The following RELB variants were observed in gnomAD, a reference collection of about 807,000 sequenced individuals.
RELB encodes the protein RELB proto-oncogene, NF-kB subunit, also known as transcription factor RelB.
In RELB, 14 loss-of-function variants were observed where a neutral mutation model predicts 55.4. The observed-to-expected ratio is 0.25, with a 90% CI of 0.17 to 0.40. The LOEUF (loss-of-function observed/expected upper bound fraction) is 0.40, where lower values mean the gene tolerates loss of function less well. Ranked by LOEUF, RELB falls within the 10% of genes least tolerant of loss-of-function variation. The pLI is 1.00. For synonymous variants in RELB, 409 were observed against 371.3 expected (o/e 1.10, Z -1.17); for missense variants, 669 against 830.7 (o/e 0.81, Z 2.39).
intron 2 of RELB, among the ~76,000 whole-genome samples, chr19:45,003,901 T>G (rs1336174076): frequency 1.9e-4 from 28 of 145,634 alleles, no homozygotes; most frequent in East Asian, 4.0e-4. Context: ...GGGTTTTTTT[T>G]GTCTGTTTTT....
At chr19:45,011,758 G>C (rs1033017806) in intron 3 of RELB, among the ~76,000 whole-genome samples, 178 bp from the exon 4 acceptor site, 382 of 24,868 alleles carry the variant, frequency 0.015, 4 homozygotes, top group Middle Eastern at 0.04. Flanking sequence ...CCCTGACTCT[G>C]TGTGTGTGTG....
intron 1 of RELB, among the ~76,000 whole-genome samples, chr19:45,002,516 C>T (rs1971226348): frequency 6.6e-6 from 1 of 152,128 alleles, no homozygotes; most frequent in South Asian, 2.1e-4. Flanking sequence ...CCACACCCGG[C>T]TAATTTTTGT....
chr19:45,005,036 T>G (rs1190811779), intron 2 of RELB, among the ~76,000 whole-genome samples: 1 of 151,940 alleles, frequency 6.6e-6, no homozygotes, highest in Non-Finnish European at 1.5e-5. Flanking sequence ...CCAGGCGTGG[T>G]GGCAGGCACC....
chr19:45,021,043 T>A (rs1205919804), intron 4 of RELB, among the ~76,000 whole-genome samples: 1 of 152,064 alleles, frequency 6.6e-6, no homozygotes, highest in Non-Finnish European at 1.5e-5. Flanking sequence ...GGCATGGTAG[T>A]GTGCGCCTGT....
intron 11 of RELB, among the ~76,000 whole-genome samples, chr19:45,036,992 C>G (rs1971693487): frequency 6.6e-6 from 1 of 151,986 alleles, no homozygotes; most frequent in African/African-American, 2.4e-5. Flanking sequence ...TAAGAGGGCA[C>G]CTAAGGCCAG....
At chr19:45,031,676 C>A (rs1971623180) in intron 8 of RELB, among the ~76,000 whole-genome samples, 1 of 151,748 alleles carries the variant, frequency 6.6e-6, no homozygotes, top group South Asian at 2.1e-4. Flanking sequence ...CCCGGGTTCA[C>A]GCCATTCTCC....
At position 45,012,175 on chromosome 19, in the gene RELB, C is replaced by T; in HGVS notation, c.403C>T (p.Gln135Ter). Residue 135 changes from glutamine (Q) to a stop codon, truncating the protein, a stop_gained, in exon 4 of 12, where the codon CAG (glutamine) becomes TAG (stop). Coordinates refer to ENST00000221452, the MANE Select transcript of RELB (RefSeq NM_006509.4). LOFTEE classifies it high-confidence loss of function. ...PHLVITEQPK[Q>*]RGMRFRYECE... Reference sequence around the variant, plus strand: ...CCTGGTCATCACGGAGCAGCCCAAGCAGCGCGGCATGCGCTTCCGCTACGA... The same window carrying T: ...CCTGGTCATCACGGAGCAGCCCAAGTAGCGCGGCATGCGCTTCCGCTACGA... 1.3e-6 allele frequency: 2 copies of T among 1,555,190 alleles called. No homozygotes were observed. The highest frequency in any genetic ancestry group is 4.0e-5 in the Admixed American group (2 of 49,424).
intron 2 of RELB, among the ~76,000 whole-genome samples, chr19:45,009,278 G>C (rs554404117): frequency 4.9e-4 from 74 of 151,984 alleles, no homozygotes; most frequent in African/African-American, 1.7e-3. Flanking sequence ...ACGGGGTTTC[G>C]CCATGTTGGC....
intron 4 of RELB, 118 bp from the exon 5 acceptor site, chr19:45,021,935 C>A: frequency 9.5e-7 from 1 of 1,049,254 alleles, no homozygotes; most frequent in Non-Finnish European, 1.3e-6. Context: ...TTGGGGAGCT[C>A]CCAACAGAGG....
intron 2 of RELB, among the ~76,000 whole-genome samples, chr19:45,005,032 G>A (rs564660829): frequency 3.9e-5 from 6 of 152,086 alleles, no homozygotes; most frequent in South Asian, 2.1e-4. Context: ...TTAGCCAGGC[G>A]TGGTGGCAGG....
chr19:45,034,284 C>T lies in RELB; in HGVS notation c.1248C>T (p.Pro416=), dbSNP rs368632431. The T allele has an allele frequency of 1.4e-5, 23 of 1,613,998 alleles. No homozygotes were observed. In the African/African-American group the frequency reaches 1.7e-4, roughly 12 times the overall value. Residue 416 remains proline, a synonymous_variant, in exon 10 of 12, where the codon CCC becomes CCT. Coordinates refer to ENST00000221452, the MANE Select transcript of RELB (RefSeq NM_006509.4). ...ACAAGAAGCGGAAACGGGGGATGCC[C>T]GACGTCCTTGGGGAGCTGAACAGCT... The part of the protein sequence containing the change: ...GVDKKRKRGM[P]DVLGELNSSD...
chr19:45,008,664 C>A, intron 2 of RELB: 1 of 397,268 alleles, frequency 2.5e-6, no homozygotes, highest in East Asian at 7.2e-5. Context: ...GGGCAAAGGT[C>A]TGGCTGCCAG....
At chr19:45,025,982 C>A (rs1454520957) in intron 7 of RELB, among the ~76,000 whole-genome samples, 2 of 152,002 alleles carry the variant, frequency 1.3e-5, no homozygotes, top group Non-Finnish European at 2.9e-5. Flanking sequence ...TGGCTCATGC[C>A]GGTAATCCCA....
rs1323271795 is a variant in RELB, at chr19:45,028,928, C to T, written c.927C>T (p.Asn309=). The T allele has an allele frequency of 5.0e-6, 8 of 1,601,316 alleles. No individual in the cohort carries two copies. The South Asian group carries it at 6.8e-5, about 14-fold the overall frequency. The change falls in exon 8 of 12, where the codon AAC becomes AAT. Residue 309 remains asparagine, a synonymous_variant. Transcript: ENST00000221452. The part of the protein sequence containing the change: ...NTSELRICRI[N]KESGPCTGGE... ...CAGAGCTGCGGATTTGCCGAATTAA[C>T]AAGGAAAGCGGGCCGTGCACCGGTG... is the stretch of plus-strand genomic sequence containing the variant.
At chr19:45,028,749 A>T in intron 7 of RELB, 139 bp from the exon 8 acceptor site, 2 of 632,464 alleles carry the variant, frequency 3.2e-6, no homozygotes, top group Non-Finnish European at 5.6e-6. Flanking sequence ...GGGTTCCATG[A>T]GGATCAGATG....
chr19:45,010,168 T>G (rs1224568330), intron 3 of RELB, among the ~76,000 whole-genome samples: 1 of 151,216 alleles, frequency 6.6e-6, no homozygotes, highest in Non-Finnish European at 1.5e-5. Context: ...CCGGGCATGG[T>G]GGTGCGCACC....
chr19:45,019,031 G>A lies in RELB; in HGVS notation c.505-3022G>A, dbSNP rs74359223. Among the ~76,000 whole-genome samples the A allele has an allele frequency of 8.8e-3, 1,340 of 152,056 alleles. 9 individuals are homozygous for A. The highest frequency in any genetic ancestry group is 0.047 in the South Asian group (225 of 4,822). ...CTGCTGTGTCTCTCATTCTGTCTCC[G>A]CACAGCCAAACATACACACACACAG... On this transcript the variant is annotated intron_variant, in intron 4 of 11. Coordinates refer to ENST00000221452, the MANE Select transcript of RELB (RefSeq NM_006509.4).
chr19:45,015,608 G>A (rs1016631074), intron 4 of RELB, among the ~76,000 whole-genome samples: 4 of 151,942 alleles, frequency 2.6e-5, no homozygotes, highest in African/African-American at 4.8e-5. Context: ...GGTGGCATGC[G>A]CCTGGGGTCC....
At chr19:45,021,420 C>T (rs995484778) in intron 4 of RELB, among the ~76,000 whole-genome samples, 3 of 127,428 alleles carry the variant, frequency 2.4e-5, no homozygotes, top group Admixed American at 9.3e-5. Flanking sequence ...TTGCAGTGAG[C>T]GGATCCAGCC....
Sources: gnomAD v4.1 joint callset for allele counts (sites outside exome capture counted in the v4.1 genomes callset) on GRCh38, gnomAD v4.1.1 for gene constraint, MANE v1.5 for transcripts, NCBI Gene and HGNC (gene_info 2026-07-23, HGNC 2026-07-21) for gene names.